DNAH5: variants seen among roughly 807,000 people sequenced by gnomAD.
The protein encoded by DNAH5 is axonemal beta dynein heavy chain 5.
A neutral mutation model predicts 518.2 loss-of-function variants in DNAH5; 372 were observed. The ratio of observed to expected loss-of-function variants is 0.72; its 90% CI spans 0.66 to 0.78. The LOEUF is 0.78. DNAH5 is among the 30% of genes least tolerant of loss of function. DNAH5 has a pLI of 0.00. For synonymous variants in DNAH5, 2,039 were observed against 2,025.9 expected (o/e 1.01, Z -0.17); for missense variants, 5,523 against 5,687.0 (o/e 0.97, Z 0.93).
rs968391274 is a variant in DNAH5, at chr5:13,707,068, C to T, written c.13338+1055G>A. ...AACCCAAGGGACCATAGCGGGCACA[C>T]ACACAAGTGGCTGGATGTTGAGAGG... On this transcript the variant is annotated intron_variant, in intron 76 of 78. Transcript: ENST00000265104. This position sits in a 1 kb window ranked among gnomAD's most constrained non-coding sequence, Gnocchi z 4.0. Among the ~76,000 whole-genome samples, 10 of 152,216 alleles carry T rather than the reference C, an allele frequency of 6.6e-5. No homozygotes were observed. The highest frequency in any genetic ancestry group is 1.3e-4 in the Non-Finnish European group (9 of 68,040).
intron 1 of DNAH5, among the ~76,000 whole-genome samples, chr5:13,964,607 T>C (rs1392838727): frequency 6.6e-6 from 1 of 152,152 alleles, no homozygotes; most frequent in East Asian, 1.9e-4. Flanking sequence ...GCCTTGACCT[T>C]AGATCATTCC....
chr5:13,815,447 A>G (rs1437779387), intron 42 of DNAH5, among the ~76,000 whole-genome samples: 5 of 152,166 alleles, frequency 3.3e-5, no homozygotes, highest in Non-Finnish European at 4.4e-5. Flanking sequence ...CCCTATAAAG[A>G]GACCTCAGAG....
chr5:13,914,127 C>G (rs1293443902), intron 10 of DNAH5, among the ~76,000 whole-genome samples, 169 bp from the exon 11 acceptor site: 1 of 152,104 alleles, frequency 6.6e-6, no homozygotes, highest in African/African-American at 2.4e-5. Context: ...TTCACCTCCT[C>G]TAATCTAGCA....
At chr5:13,886,752 A>G (rs1243861465) in intron 17 of DNAH5, among the ~76,000 whole-genome samples, 1 of 152,190 alleles carries the variant, frequency 6.6e-6, no homozygotes, top group Non-Finnish European at 1.5e-5. Flanking sequence ...TTCCAGCATT[A>G]TACATCTTTA....
intron 65 of DNAH5, among the ~76,000 whole-genome samples, chr5:13,737,811 C>G (rs1284491358): frequency 1.3e-5 from 2 of 151,980 alleles, no homozygotes; most frequent in Admixed American, 6.6e-5. Flanking sequence ...CCTGTAGTCC[C>G]AGCACTTTAG....
chr5:13,778,235 T>C (rs538657262), intron 53 of DNAH5, among the ~76,000 whole-genome samples: 2 of 152,136 alleles, frequency 1.3e-5, no homozygotes, highest in East Asian at 3.9e-4. Flanking sequence ...TCAATACTTC[T>C]AGAAGACACC....
chr5:13,735,952 G>T lies in DNAH5; in HGVS notation c.11456-20C>A, dbSNP rs1361265949. 3.8e-6 allele frequency: 6 copies of T among 1,578,240 alleles called. No individual in the cohort carries two copies. The highest frequency in any genetic ancestry group is 1.1e-5 in the South Asian group (1 of 90,380). On this transcript the variant is annotated intron_variant, in intron 66 of 78. Coordinates refer to ENST00000265104, the MANE Select transcript of DNAH5 (RefSeq NM_001369.3). The stretch of plus-strand genomic sequence containing the variant: ...TAGCCACTGGAAGACAAAGAGCAAG[G>T]TTGCATGTGCTACGAGAGAGGAAAA...
intron 14 of DNAH5, among the ~76,000 whole-genome samples, chr5:13,901,026 G>C (rs549101349): frequency 7.2e-4 from 109 of 152,294 alleles, no homozygotes; most frequent in African/African-American, 2.5e-3. Flanking sequence ...TTTGGAGTTC[G>C]TAAATTAAAT....
At chr5:13,873,090 T>G (rs1262478932) in intron 22 of DNAH5, among the ~76,000 whole-genome samples, 1 of 152,208 alleles carries the variant, frequency 6.6e-6, no homozygotes, top group Admixed American at 6.5e-5. Flanking sequence ...CAATTGCACA[T>G]GTATCCTATA....
Position 13,865,792 on chromosome 5 carries a change from G to T in DNAH5, c.4231C>A (p.Leu1411Ile). The T allele has an allele frequency of 6.2e-7, 1 of 1,613,240 alleles. No individual in the cohort carries two copies. Among genetic ancestry groups the T allele is most frequent in the South Asian group, 1.1e-5 (1 of 91,064 alleles). Residue 1411 changes from leucine (L) to isoleucine (I), a missense_variant, in exon 27 of 79, where the codon CTT becomes ATT. By Grantham distance (5) the Leu-to-Ile change is conservative (BLOSUM62 2). This residue lies in a region of DNAH5 where 5,121 missense variants were observed against 5,223.3 expected (regional missense o/e 0.98). Coordinates refer to ENST00000265104, the MANE Select transcript of DNAH5 (RefSeq NM_001369.3). Reference protein sequence around the residue: ...QLLEIKKQLNLLQKIYTLYNS... With the variant: ...QLLEIKKQLNILQKIYTLYNS... ...TACAGAGTATATATTTTCTGTAGAA[G>T]ATTTAGTTGCTTCTTTATTTCAAGA...
chr5:13,901,314 T>C lies in DNAH5; in HGVS notation c.1990A>G (p.Asn664Asp), dbSNP rs1283423848. ...AEAKPIIRSY[N>D]RMAKVLLEFE... The stretch of plus-strand genomic sequence containing the variant: ...TCCAGGAGGACCTTGGCCATCCTGT[T>C]GTAACTGCGAATTATAGGTTTGGCT... Residue 664 changes from asparagine to aspartate, a missense_variant, in exon 14 of 79, where the codon AAC (asparagine) becomes GAC (aspartate). Physicochemically the swap from Asn to Asp is conservative, Grantham distance 23. Transcript: ENST00000265104. The C allele has an allele frequency of 6.2e-7, 1 of 1,614,164 alleles. No homozygotes were observed. Among genetic ancestry groups the C allele is most frequent in the Admixed American group, 1.7e-5 (1 of 60,026 alleles).
At position 13,894,812 on chromosome 5, in the gene DNAH5, C is replaced by G; in HGVS notation, c.2269G>C (p.Ala757Pro). ...TTTGACTTCACTCTCTGATATTCAG[C>G]TAGCATCATCTGCAATGAAATTGGG... is the stretch of plus-strand genomic sequence containing the variant. ...RNFSNMKMML[A>P]EYQRVKSKIP... Residue 757 changes from alanine to proline, a missense_variant, in exon 16 of 79, where the codon GCT becomes CCT. Around this residue, in one of 3 missense-constraint regions of DNAH5, gnomAD observed 5,121 missense variants for 5,223.3 expected, o/e 0.98. Coordinates refer to ENST00000265104, the MANE Select transcript of DNAH5 (RefSeq NM_001369.3). 6.2e-7 allele frequency: 1 copy of G among 1,613,596 alleles called. No individual in the cohort carries two copies. The highest frequency in any genetic ancestry group is 8.5e-7 in the Non-Finnish European group (1 of 1,179,928).
At chr5:13,998,185 A>G (rs879775309) in intron 1 of DNAH5, among the ~76,000 whole-genome samples, 7 of 152,156 alleles carry the variant, frequency 4.6e-5, no homozygotes, top group Non-Finnish European at 8.8e-5. Context: ...CAAGATCAAG[A>G]TGCTGGCAGG....
chr5:13,862,439 C>A, intron 29 of DNAH5, 109 bp downstream of exon 29: 1 of 1,077,066 alleles, frequency 9.3e-7, no homozygotes, highest in Non-Finnish European at 1.4e-6. Flanking sequence ...GTATTTTCAA[C>A]ATTGAGTAAA....
intron 76 of DNAH5, 97 bp from the exon 77 acceptor site, chr5:13,701,533 A>G (rs1315645421): frequency 2.4e-6 from 3 of 1,226,348 alleles, no homozygotes; most frequent in South Asian, 2.6e-5. Context: ...TGAAATATCA[A>G]TTTCACTTTT....
intron 70 of DNAH5, among the ~76,000 whole-genome samples, chr5:13,724,717 A>T (rs1745489770): frequency 6.6e-6 from 1 of 152,170 alleles, no homozygotes; most frequent in Non-Finnish European, 1.5e-5. Flanking sequence ...TGTACTCATG[A>T]GAGTGAGTGA....
At chr5:13,737,571 A>G (rs1031647878) in intron 65 of DNAH5, 76 bp from the exon 66 acceptor site, 156 of 1,493,144 alleles carry the variant, frequency 1.0e-4, no homozygotes, top group Non-Finnish European at 1.4e-4. Context: ...GTTAACCTAC[A>G]TGGCTGCTTT....
chr5:13,966,733 C>T (rs899892710), intron 1 of DNAH5, among the ~76,000 whole-genome samples: 3 of 152,076 alleles, frequency 2.0e-5, no homozygotes, highest in Admixed American at 6.6e-5. Flanking sequence ...CCGATTTGTT[C>T]GAGTTCCTTG....
chr5:13,708,140 G>A lies in DNAH5; in HGVS notation c.13321C>T (p.Pro4441Ser). 1 of 1,614,114 alleles carries A rather than the reference G, an allele frequency of 6.2e-7. No individual in the cohort carries two copies. The highest frequency in any genetic ancestry group is 8.5e-7 in the Non-Finnish European group (1 of 1,179,986). ...ALDCMFDARI[P>S]AWWKKASWIS... ...ATACGTACTTTTTTCCACCAAGCAG[G>A]GATTCTAGCATCAAACATGCAATCC... is the stretch of plus-strand genomic sequence containing the variant. Residue 4441 changes from proline (P) to serine (S), a missense_variant, in exon 76 of 79, where the codon CCT becomes TCT. This residue lies in a region of DNAH5 where 387 missense variants were observed against 430.0 expected (regional missense o/e 0.90). Coordinates refer to ENST00000265104, the MANE Select transcript of DNAH5 (RefSeq NM_001369.3).
Sources: allele counts gnomAD v4.1 joint callset (sites outside exome capture counted in the v4.1 genomes callset), GRCh38; gene constraint gnomAD v4.1.1; regional missense constraint gnomAD v4.1.1; non-coding constraint Gnocchi (gnomAD v3.1); transcripts MANE v1.5; gene names NCBI Gene and HGNC (gene_info 2026-07-23, HGNC 2026-07-21).